The following NEGR1 variants were observed in gnomAD, a reference collection of about 807,000 sequenced individuals.
NEGR1 encodes IgLON family member 4.
In NEGR1, 10 loss-of-function variants were observed where a neutral mutation model predicts 40.9. That is an observed-to-expected ratio of 0.24 (90% CI 0.15 to 0.42). The LOEUF (loss-of-function observed/expected upper bound fraction) is 0.42. NEGR1 is among the 10% of genes least tolerant of loss of function. The pLI, the probability that NEGR1 is intolerant of heterozygous loss-of-function variation, is 1.00. For missense variants in NEGR1, 352 were observed against 438.9 expected (o/e 0.80, Z 1.77); for synonymous variants, 185 against 166.8 (o/e 1.11, Z -0.84).
At chr1:71,408,961 A>G (rs1174392569) in intron 6 of NEGR1, 1 of 152,078 alleles carries the variant, frequency 6.6e-6, no homozygotes, top group East Asian at 1.9e-4. Context: ...TGAAAGATAC[A>G]TTGGTCCCTG....
chr1:71,437,379 A>G (rs918429103), intron 6 of NEGR1, among the ~76,000 whole-genome samples: 5 of 152,166 alleles, frequency 3.3e-5, no homozygotes, highest in African/African-American at 1.2e-4. Flanking sequence ...ACTAGAAACC[A>G]TTGACTTGTA....
chr1:71,659,062 G>T (rs1361294911), intron 4 of NEGR1, among the ~76,000 whole-genome samples: 1 of 152,146 alleles, frequency 6.6e-6, no homozygotes, highest in African/African-American at 2.4e-5. Context: ...AGACCATTGG[G>T]TTGAGGTAGA....
At chr1:71,805,661 C>G (rs1387300328) in intron 2 of NEGR1, among the ~76,000 whole-genome samples, 2 of 152,146 alleles carry the variant, frequency 1.3e-5, no homozygotes, top group South Asian at 4.1e-4. Context: ...AAGCTCATTA[C>G]AGTTTGCAAA....
intron 1 of NEGR1, among the ~76,000 whole-genome samples, chr1:72,163,469 T>C (rs1219889675): frequency 6.6e-6 from 1 of 152,106 alleles, no homozygotes; most frequent in East Asian, 1.9e-4. Flanking sequence ...AAGGATTAAC[T>C]AGTAAATGTA....
At chr1:72,131,015 T>C (rs912297721) in intron 1 of NEGR1, among the ~76,000 whole-genome samples, 4 of 152,200 alleles carry the variant, frequency 2.6e-5, no homozygotes, top group African/African-American at 4.8e-5. Context: ...CCAGTTGTTA[T>C]AGCACAAAAT....
chr1:71,734,028 G>T (rs1194542830), intron 3 of NEGR1, among the ~76,000 whole-genome samples: 1 of 152,064 alleles, frequency 6.6e-6, no homozygotes, highest in Non-Finnish European at 1.5e-5. Flanking sequence ...AAGACCCCAG[G>T]CTTCCTCAAA....
chr1:71,932,038 A>G (rs1645860058), intron 2 of NEGR1, among the ~76,000 whole-genome samples: 1 of 152,096 alleles, frequency 6.6e-6, no homozygotes, highest in Non-Finnish European at 1.5e-5. Flanking sequence ...CAACCCTTTT[A>G]AAGCCAGGCT....
chr1:72,201,564 C>A (rs1247887874), intron 1 of NEGR1, among the ~76,000 whole-genome samples: 2 of 151,720 alleles, frequency 1.3e-5, no homozygotes, highest in Non-Finnish European at 2.9e-5. Context: ...GAAGTTTGTA[C>A]AGACACATGC....
At chr1:71,599,350 C>A (rs1649843858) in intron 5 of NEGR1, among the ~76,000 whole-genome samples, 1 of 152,116 alleles carries the variant, frequency 6.6e-6, no homozygotes, top group Non-Finnish European at 1.5e-5. Context: ...AAGATCATGG[C>A]ATCCTGATTT....
chr1:72,116,923 C>T (rs948482858), intron 1 of NEGR1, among the ~76,000 whole-genome samples: 2 of 151,704 alleles, frequency 1.3e-5, no homozygotes. Flanking sequence ...TATTATATGA[C>T]ATCAAAATAG....
At chr1:72,225,853 G>A (rs938063579) in intron 1 of NEGR1, among the ~76,000 whole-genome samples, 50 of 151,696 alleles carry the variant, frequency 3.3e-4, no homozygotes, top group African/African-American at 1.1e-3. Flanking sequence ...AATTACGTTT[G>A]GTACAAATCT....
At chr1:72,023,109 C>T (rs1227307649) in intron 1 of NEGR1, among the ~76,000 whole-genome samples, 1 of 152,044 alleles carries the variant, frequency 6.6e-6, no homozygotes, top group Non-Finnish European at 1.5e-5. Context: ...ACAGTATTTC[C>T]TTTCCTCAAT....
intron 6 of NEGR1, among the ~76,000 whole-genome samples, chr1:71,475,509 A>G (rs1039552317): frequency 6.7e-6 from 1 of 148,584 alleles, no homozygotes; most frequent in Non-Finnish European, 1.5e-5. Flanking sequence ...AATTTTTTTC[A>G]TGTGTGCAAT....
chr1:72,088,792 CTCTCTTTTTTTT>C (rs774353789), intron 1 of NEGR1, among the ~76,000 whole-genome samples: 2 of 124,140 alleles, frequency 1.6e-5, no homozygotes, highest in Non-Finnish European at 3.2e-5. Flanking sequence ...AGTTCTCTCT[CTCTCTTTTTTTT>C]TTTTTTTTTT....
chr1:71,648,578 T>C (rs1651609092), intron 4 of NEGR1, among the ~76,000 whole-genome samples: 1 of 152,026 alleles, frequency 6.6e-6, no homozygotes, highest in Admixed American at 6.6e-5. Flanking sequence ...TTCTGGCTTT[T>C]CGAACAAGAT....
intron 3 of NEGR1, among the ~76,000 whole-genome samples, chr1:71,711,481 C>CA (rs71070899): frequency 0.72 from 90,934 of 126,636 alleles, 34,586 homozygotes; most frequent in Middle Eastern, 0.89. Context: ...CTAAAATTTA[C>CA]AAAAAAAAAA....
At chr1:71,474,517 TACACACACACACACACACACAC>T (rs57225665) in intron 6 of NEGR1, among the ~76,000 whole-genome samples, 7 of 115,444 alleles carry the variant, frequency 6.1e-5, no homozygotes, top group African/African-American at 2.4e-4. Context: ...CTACTAACAA[TACACACACACACACACACACAC>T]ACACACACAC....
intron 1 of NEGR1, among the ~76,000 whole-genome samples, chr1:72,197,174 T>C (rs1418239345): frequency 3.9e-5 from 6 of 152,118 alleles, no homozygotes; most frequent in East Asian, 1.9e-4. Context: ...CCCAAAGTGA[T>C]AGATGGCAAA....
intron 1 of NEGR1, among the ~76,000 whole-genome samples, chr1:72,246,010 C>A (rs2100521575): frequency 6.6e-6 from 1 of 152,160 alleles, no homozygotes; most frequent in African/African-American, 2.4e-5. Context: ...TACTAATATT[C>A]TTACCAGTAT....
Sources: gnomAD v4.1 joint callset for allele counts (sites outside exome capture counted in the v4.1 genomes callset) on GRCh38, gnomAD v4.1.1 for gene constraint, MANE v1.5 for transcripts, NCBI Gene and HGNC (gene_info 2026-07-23, HGNC 2026-07-21) for gene names.